Variants in KCNH7 observed in about 807,000 individuals in gnomAD.
KCNH7 encodes the protein potassium voltage-gated channel subfamily H member 7, also known as voltage-gated inwardly rectifying potassium channel KCNH7.
KCNH7 carries 49 observed loss-of-function variants against 120.8 expected under a neutral mutation model. The observed-to-expected ratio is 0.41, with a 90% CI of 0.32 to 0.51. The LOEUF is 0.51. KCNH7 is among the 20% of genes least tolerant of loss of function. The probability of loss-of-function intolerance (pLI) is 0.38; values close to 1 mark genes in which losing one functional copy is unlikely to be tolerated. For synonymous variants in KCNH7, 547 were observed against 516.1 expected (o/e 1.06, Z -0.81); for missense variants, 1,097 against 1,446.6 (o/e 0.76, Z 3.92).
At chr2:162,503,132 C>G (rs548402902) in intron 6 of KCNH7, among the ~76,000 whole-genome samples, 1 of 152,110 alleles carries the variant, frequency 6.6e-6, no homozygotes, top group South Asian at 2.1e-4. Flanking sequence ...GTCCCCATTG[C>G]CATGCTGTGC....
chr2:162,817,063 C>T (rs1205204304), intron 2 of KCNH7, among the ~76,000 whole-genome samples: 1 of 152,064 alleles, frequency 6.6e-6, no homozygotes, highest in African/African-American at 2.4e-5. Context: ...TGAAAGTAAA[C>T]AGTGATCTTA....
rs531576718 is a variant in KCNH7, at chr2:162,413,969, A to G, written c.2154+9367T>C. ...AAAATGCTACGAATGGGCAATTCAT[A>G]GAATAAAAAAGCCAAATAATATGTG... On this transcript the variant is annotated intron_variant, in intron 9 of 15. Coordinates refer to ENST00000332142, the MANE Select transcript of KCNH7 (RefSeq NM_033272.4). 9.7e-4 allele frequency among the ~76,000 whole-genome samples: 147 copies of G among 152,158 alleles called. 2 individuals carry two copies. Among genetic ancestry groups the G allele is most frequent in the African/African-American group, 3.4e-3 (142 of 41,564 alleles).
intron 2 of KCNH7, among the ~76,000 whole-genome samples, chr2:162,684,293 A>T (rs1206335957): frequency 1.3e-5 from 2 of 152,112 alleles, no homozygotes; most frequent in African/African-American, 4.8e-5. Context: ...GCATGGGCAA[A>T]GTCTTCATGA....
chr2:162,431,308 G>A (rs972736864), intron 8 of KCNH7, among the ~76,000 whole-genome samples: 5 of 151,840 alleles, frequency 3.3e-5, no homozygotes, highest in Non-Finnish European at 7.4e-5. Flanking sequence ...GCACATATAC[G>A]ATCTTTTATC....
chr2:162,760,481 T>A (rs1688932686), intron 2 of KCNH7, among the ~76,000 whole-genome samples: 2 of 152,254 alleles, frequency 1.3e-5, no homozygotes, highest in South Asian at 4.1e-4. Flanking sequence ...ATGCAATAAT[T>A]CTGCGTCCCC....
chr2:162,727,371 A>G (rs554603912), intron 2 of KCNH7, among the ~76,000 whole-genome samples: 3 of 152,318 alleles, frequency 2.0e-5, no homozygotes, highest in South Asian at 2.1e-4. Context: ...TATAATTAAC[A>G]TGGAATAATA....
intron 2 of KCNH7, among the ~76,000 whole-genome samples, chr2:162,592,944 C>T (rs578188558): frequency 6.6e-6 from 1 of 152,094 alleles, no homozygotes; most frequent in East Asian, 1.9e-4. Context: ...TTTCTATTTT[C>T]TAGGTTCAGA....
intron 8 of KCNH7, among the ~76,000 whole-genome samples, chr2:162,429,848 G>A (rs1688006854): frequency 6.6e-6 from 1 of 150,580 alleles, no homozygotes; most frequent in South Asian, 2.1e-4. Flanking sequence ...TATTTTTAAA[G>A]TTAAAAATTT....
intron 2 of KCNH7, among the ~76,000 whole-genome samples, chr2:162,570,297 T>A (rs1693419936): frequency 6.6e-6 from 1 of 151,606 alleles, no homozygotes; most frequent in African/African-American, 2.4e-5. Flanking sequence ...GCCTTCTTTG[T>A]TTCTTTTGAT....
chr2:162,522,897 G>A (rs1317055382), intron 3 of KCNH7, among the ~76,000 whole-genome samples: 1 of 151,672 alleles, frequency 6.6e-6, no homozygotes, highest in East Asian at 2.0e-4. Flanking sequence ...CTCAGGACAT[G>A]TCATTTTTGT....
At chr2:162,469,294 T>C (rs916630705) in intron 6 of KCNH7, among the ~76,000 whole-genome samples, 2 of 152,180 alleles carry the variant, frequency 1.3e-5, no homozygotes, top group Non-Finnish European at 2.9e-5. Context: ...GTACCATAGG[T>C]AACACTTCAG....
intron 2 of KCNH7, among the ~76,000 whole-genome samples, chr2:162,786,476 T>C (rs532040863): frequency 3.3e-5 from 5 of 152,332 alleles, no homozygotes; most frequent in African/African-American, 1.2e-4. Flanking sequence ...ACCCTGGGAA[T>C]GCGACTTTTT....
intron 2 of KCNH7, among the ~76,000 whole-genome samples, chr2:162,652,168 T>G (rs1684587497): frequency 6.6e-6 from 1 of 152,166 alleles, no homozygotes; most frequent in Non-Finnish European, 1.5e-5. Flanking sequence ...GAGTTTGTGA[T>G]ATGGGGGAAA....
intron 6 of KCNH7, among the ~76,000 whole-genome samples, chr2:162,479,389 T>C (rs759408392): frequency 3.5e-4 from 53 of 152,138 alleles, no homozygotes; most frequent in Non-Finnish European, 6.0e-4. Context: ...TATATTCTTA[T>C]AGATTTCAAG....
chr2:162,470,822 A>C (rs986036271), intron 6 of KCNH7, among the ~76,000 whole-genome samples: 2 of 152,206 alleles, frequency 1.3e-5, no homozygotes, highest in African/African-American at 4.8e-5. Flanking sequence ...AGGTGGGGAA[A>C]AGATTGAGAA....
At chr2:162,761,604 C>T (rs901344229) in intron 2 of KCNH7, among the ~76,000 whole-genome samples, 4 of 152,094 alleles carry the variant, frequency 2.6e-5, no homozygotes, top group Admixed American at 1.3e-4. Flanking sequence ...TTATACACCA[C>T]ATATTACAGG....
At chr2:162,425,764 T>C (rs1687839849) in intron 8 of KCNH7, among the ~76,000 whole-genome samples, 1 of 152,166 alleles carries the variant, frequency 6.6e-6, no homozygotes, top group African/African-American at 2.4e-5. Flanking sequence ...ATTTATTAAA[T>C]AGATTTTAGC....
intron 6 of KCNH7, among the ~76,000 whole-genome samples, chr2:162,483,882 C>G (rs1180729451): frequency 6.6e-6 from 1 of 152,068 alleles, no homozygotes; most frequent in Admixed American, 6.6e-5. Flanking sequence ...TAGGAGGAGT[C>G]AGGCTACAAA....
At position 162,670,492 on chromosome 2, in the gene KCNH7, A is replaced by AAAAAAG. The variant is rs1553511726; in HGVS notation, c.308-133413_308-133412insCTTTTT. Among the ~76,000 whole-genome samples the AAAAAAG allele has an allele frequency of 8.3e-5, 12 of 144,860 alleles. 1 individual carries two copies. The highest frequency in any genetic ancestry group is 3.3e-4 in the African/African-American group (12 of 36,022). On this transcript the variant is annotated intron_variant, in intron 2 of 15. Coordinates refer to ENST00000332142, the MANE Select transcript of KCNH7 (RefSeq NM_033272.4). Reference sequence around the variant, plus strand: ...TGTCAAAAAAAAAAAAAAAAAAAAAAGAAAAATATTGACTGTATAAACAAT... The same window carrying AAAAAAG: ...TGTCAAAAAAAAAAAAAAAAAAAAAAAAAAAGGAAAAATATTGACTGTATAAACAAT...
Sources: allele counts gnomAD v4.1 joint callset (sites outside exome capture counted in the v4.1 genomes callset), GRCh38; gene constraint gnomAD v4.1.1; transcripts MANE v1.5; gene names NCBI Gene and HGNC (gene_info 2026-07-23, HGNC 2026-07-21).